Variants in SPATA31H1 observed in about 807,000 individuals in gnomAD.
SPATA31H1 encodes spermatogenesis-associated protein 31H1.
chr2:27,580,698 G>A, the SPATA31H1 span: 3 of 1,614,110 alleles, frequency 1.9e-6, no homozygotes, highest in Non-Finnish European at 2.5e-6. Context: ...GCGGAAGCCT[G>A]TGGACGGGAC....
the SPATA31H1 span, chr2:27,575,518 A>G: frequency 2.5e-5 from 10 of 398,518 alleles, no homozygotes; most frequent in East Asian, 2.8e-4. The surrounding 1 kb of genome is among the most constrained non-coding windows in gnomAD (Gnocchi z 4.1). Context: ...TTAGATTTCA[A>G]CCCTGGACCA....
chr2:27,546,881 G>A, the SPATA31H1 span, among the ~76,000 whole-genome samples: 1 of 151,946 alleles, frequency 6.6e-6, no homozygotes, highest in Non-Finnish European at 1.5e-5. Context: ...AATCCATGAT[G>A]AACAAAATAT....
At chr2:27,561,995 C>T in the SPATA31H1 span, among the ~76,000 whole-genome samples, 2 of 152,184 alleles carry the variant, frequency 1.3e-5, no homozygotes, top group African/African-American at 4.8e-5. Context: ...GTCACTTTGC[C>T]CGATTCCCAT....
At chr2:27,565,189 T>C in the SPATA31H1 span, 1 of 602,880 alleles carries the variant, frequency 1.7e-6, no homozygotes, top group Non-Finnish European at 3.0e-6. Context: ...GTTACGGCAT[T>C]TACATGTGGT....
chr2:27,549,627 T>C, the SPATA31H1 span, among the ~76,000 whole-genome samples: 2 of 151,662 alleles, frequency 1.3e-5, 1 homozygote, highest in African/African-American at 4.9e-5. Flanking sequence ...CTGGCCAACA[T>C]GGTGAAACCC....
At chr2:27,575,441 G>T in the SPATA31H1 span, 21 of 398,494 alleles carry the variant, frequency 5.3e-5, no homozygotes, top group African/African-American at 3.9e-4. This position sits in a 1 kb window ranked among gnomAD's most constrained non-coding sequence, Gnocchi z 4.1. Flanking sequence ...TCAATCTTCA[G>T]CAACAGTTGC....
chr2:27,580,876 G>A, the SPATA31H1 span: 2 of 1,614,150 alleles, frequency 1.2e-6, no homozygotes, highest in Non-Finnish European at 1.7e-6. Context: ...ACGGTCCAGT[G>A]CAGATCAGCT....
At chr2:27,546,485 G>A in the SPATA31H1 span, among the ~76,000 whole-genome samples, 1 of 152,118 alleles carries the variant, frequency 6.6e-6, no homozygotes, top group East Asian at 1.9e-4. Flanking sequence ...AACACAAAAT[G>A]TAAGGAACAC....
the SPATA31H1 span, chr2:27,577,944 A>C: frequency 6.2e-7 from 1 of 1,614,160 alleles, no homozygotes; most frequent in Non-Finnish European, 8.5e-7. This position sits in a 1 kb window ranked among gnomAD's most constrained non-coding sequence, Gnocchi z 4.5. Flanking sequence ...GAATCAAAGT[A>C]TGAAATCTCC....
chr2:27,542,192 T>C, the SPATA31H1 span, among the ~76,000 whole-genome samples: 7 of 151,678 alleles, frequency 4.6e-5, no homozygotes, highest in Non-Finnish European at 8.8e-5. Context: ...AGGTCAGGAG[T>C]TCGAGACCAG....
chr2:27,545,621 C>T, the SPATA31H1 span, among the ~76,000 whole-genome samples: 3 of 149,068 alleles, frequency 2.0e-5, no homozygotes, highest in Non-Finnish European at 4.4e-5. Flanking sequence ...TGTCTCCCAG[C>T]CTGAAATGCA....
the SPATA31H1 span, among the ~76,000 whole-genome samples, chr2:27,556,037 C>A: frequency 8.8e-4 from 130 of 147,942 alleles, 6 homozygotes; most frequent in South Asian, 0.027. Context: ...GAAGCTGAGG[C>A]AGAAGAAGTG....
the SPATA31H1 span, among the ~76,000 whole-genome samples, chr2:27,563,979 G>C: frequency 6.6e-6 from 1 of 152,166 alleles, no homozygotes; most frequent in East Asian, 1.9e-4. Flanking sequence ...GCCTCCCAAA[G>C]TGCTGGGATT....
chr2:27,547,552 A>T, the SPATA31H1 span, among the ~76,000 whole-genome samples: 1 of 151,958 alleles, frequency 6.6e-6, no homozygotes, highest in Non-Finnish European at 1.5e-5. Context: ...TCATCCTGTT[A>T]ATTGTCACAC....
At chr2:27,570,681 T>C in the SPATA31H1 span, 1 of 398,320 alleles carries the variant, frequency 2.5e-6, no homozygotes. Context: ...TGTAAAAGTT[T>C]TAGAGATGAC....
chr2:27,575,412 G>T, the SPATA31H1 span: 3 of 398,542 alleles, frequency 7.5e-6, no homozygotes, highest in East Asian at 1.1e-4. The surrounding 1 kb of genome is among the most constrained non-coding windows in gnomAD (Gnocchi z 4.1). Flanking sequence ...AAAGCTTCAA[G>T]ATGTAAAATC....
the SPATA31H1 span, chr2:27,579,448 A>G: frequency 2.3e-5 from 37 of 1,614,132 alleles, no homozygotes; most frequent in South Asian, 3.3e-5. Context: ...GTCAAAAACT[A>G]TATTCAGAGA....
At chr2:27,570,015 C>G in the SPATA31H1 span, 1 of 398,954 alleles carries the variant, frequency 2.5e-6, no homozygotes, top group East Asian at 3.6e-5. Flanking sequence ...AGAGCCAACA[C>G]ATCAAAGTGT....
At chr2:27,561,637 C>T in the SPATA31H1 span, among the ~76,000 whole-genome samples, 1 of 151,978 alleles carries the variant, frequency 6.6e-6, no homozygotes, top group South Asian at 2.1e-4. Context: ...ACTTGGAGTC[C>T]ACCTCTATAT....
Sources: gnomAD v4.1 joint callset for allele counts (sites outside exome capture counted in the v4.1 genomes callset) on GRCh38, gnomAD v4.1.1 for gene constraint, Gnocchi (gnomAD v3.1) non-coding constraint, MANE v1.5 for transcripts, NCBI Gene and HGNC (gene_info 2026-07-23, HGNC 2026-07-21) for gene names.